The following ADD3 variants were observed in gnomAD, a reference collection of about 807,000 sequenced individuals.
ADD3 encodes the protein gamma-adducin.
In ADD3, 25 loss-of-function variants were observed where a neutral mutation model predicts 80.2. The ratio of observed to expected loss-of-function variants is 0.31; its 90% CI spans 0.23 to 0.44. ADD3 has a LOEUF of 0.44. ADD3 is among the 20% of genes least tolerant of loss of function. The probability of loss-of-function intolerance (pLI) is 1.00; values close to 1 mark genes in which losing one functional copy is unlikely to be tolerated. For synonymous variants in ADD3, 284 were observed against 289.6 expected, an observed-to-expected ratio of 0.98 and a Z score of 0.20; for missense variants, 829 against 847.5, an observed-to-expected ratio of 0.98 and a Z score of 0.27.
At chr10:110,029,552 G>T (rs1854739494) in intron 1 of ADD3, among the ~76,000 whole-genome samples, 1 of 152,174 alleles carries the variant, frequency 6.6e-6, no homozygotes, top group African/African-American at 2.4e-5. Context: ...ACTGAAAAGT[G>T]GGAAAGCATG....
intron 2 of ADD3, among the ~76,000 whole-genome samples, chr10:110,104,155 TACAG>T (rs1255320257): frequency 6.6e-6 from 1 of 152,178 alleles, no homozygotes; most frequent in Non-Finnish European, 1.5e-5. Flanking sequence ...AGATAACTGC[TACAG>T]ACATCCCTCT....
chr10:110,080,565 A>G (rs1023629187), intron 1 of ADD3, among the ~76,000 whole-genome samples: 1 of 152,270 alleles, frequency 6.6e-6, no homozygotes, highest in Non-Finnish European at 1.5e-5. Flanking sequence ...TTTCAAAAGT[A>G]TAAAACCCAT....
At position 110,081,268 on chromosome 10, in the gene ADD3, A is replaced by G. The variant is rs978603030; in HGVS notation, c.-29-19357A>G. Reference sequence around the variant, plus strand: ...TTTCATACGCATTTTTTGACATACAATTCCACTTAGCAAAATGTATCGAAG... The same window carrying G: ...TTTCATACGCATTTTTTGACATACAGTTCCACTTAGCAAAATGTATCGAAG... On this transcript the variant is annotated intron_variant, in intron 1 of 14. Coordinates refer to ENST00000356080, the MANE Select transcript of ADD3 (RefSeq NM_016824.5). 2.6e-5 allele frequency among the ~76,000 whole-genome samples: 4 copies of G among 152,154 alleles called. No individual in the cohort carries two copies. The South Asian group carries it at 6.2e-4, about 24-fold the overall frequency.
Position 110,100,739 on chromosome 10 carries a change from A to G in ADD3, c.86A>G (p.Asn29Ser), listed in dbSNP as rs150532955. 6.0e-5 allele frequency: 97 copies of G among 1,613,938 alleles called. No individual in the cohort carries two copies. The highest frequency in any genetic ancestry group is 7.2e-5 in the Non-Finnish European group (85 of 1,179,974). Residue 29 changes from asparagine (N) to serine (S), a missense_variant, in exon 2 of 15, where the codon AAT becomes AGT. Asn to Ser is a conservative substitution (Grantham distance 46). Transcript: ENST00000356080. ...AAAGAGAGATATTTTGACCGCATCA[A>G]TGAAAATGACCCAGAATACATTAGG... Reference protein sequence around the residue: ...PHKERYFDRINENDPEYIRER... With the variant: ...PHKERYFDRISENDPEYIRER...
At chr10:110,030,955 C>A (rs1309025335) in intron 1 of ADD3, among the ~76,000 whole-genome samples, 2 of 151,524 alleles carry the variant, frequency 1.3e-5, no homozygotes, top group Non-Finnish European at 2.9e-5. Flanking sequence ...TGACTCCTGA[C>A]CAGCTTCTTG....
intron 3 of ADD3, 102 bp downstream of exon 3, chr10:110,113,017 T>G: frequency 8.1e-7 from 1 of 1,239,370 alleles, no homozygotes; most frequent in Non-Finnish European, 1.1e-6. Flanking sequence ...GTCCTTAAGT[T>G]TATAACATCT....
chr10:110,068,982 T>C (rs2133612746), intron 1 of ADD3, among the ~76,000 whole-genome samples: 1 of 151,976 alleles, frequency 6.6e-6, no homozygotes, highest in East Asian at 1.9e-4. Context: ...GAGGCTGAGC[T>C]GGGAGGATTA....
chr10:110,081,396 C>G (rs763798485), intron 1 of ADD3, among the ~76,000 whole-genome samples: 2 of 152,068 alleles, frequency 1.3e-5, no homozygotes, highest in African/African-American at 4.8e-5. Flanking sequence ...CTGTTCCTTG[C>G]GTTGTTGGAG....
intron 1 of ADD3, among the ~76,000 whole-genome samples, chr10:110,077,817 A>G (rs374029158): frequency 6.6e-6 from 1 of 151,568 alleles, no homozygotes; most frequent in East Asian, 1.9e-4. Context: ...CCCCTCACAC[A>G]CTGAGTTTCT....
intron 1 of ADD3, among the ~76,000 whole-genome samples, chr10:110,090,588 A>G (rs946429326): frequency 3.3e-5 from 5 of 152,170 alleles, no homozygotes; most frequent in South Asian, 2.1e-4. Context: ...TTATGACTAC[A>G]TCTAACTGCT....
At chr10:110,099,650 A>C (rs1032935631) in intron 1 of ADD3, among the ~76,000 whole-genome samples, 5 of 152,158 alleles carry the variant, frequency 3.3e-5, no homozygotes, top group African/African-American at 1.2e-4. Context: ...ACCATTCTGG[A>C]GTGTTTCATC....
intron 1 of ADD3, among the ~76,000 whole-genome samples, chr10:110,049,539 G>A (rs1030778367): frequency 6.6e-6 from 1 of 152,230 alleles, no homozygotes; most frequent in Non-Finnish European, 1.5e-5. Context: ...CCTTGCATCA[G>A]CGTGACCTGG....
chr10:110,118,357 A>C (rs890157731), intron 5 of ADD3, among the ~76,000 whole-genome samples: 3 of 152,196 alleles, frequency 2.0e-5, no homozygotes, highest in African/African-American at 7.2e-5. Context: ...CACCTGTTTT[A>C]TAAATAAAGT....
intron 1 of ADD3, among the ~76,000 whole-genome samples, chr10:109,999,302 A>G (rs1204644796): frequency 6.6e-6 from 1 of 152,196 alleles, no homozygotes; most frequent in East Asian, 1.9e-4. Context: ...TGCATTCATA[A>G]TGAGCTTGAC....
Position 110,091,895 on chromosome 10 carries a change from G to A in ADD3, c.-29-8730G>A, listed in dbSNP as rs1469386312. Among the ~76,000 whole-genome samples, 6 of 151,978 alleles carry A rather than the reference G, an allele frequency of 3.9e-5. No homozygotes were observed. In the East Asian group the frequency reaches 7.7e-4, roughly 20 times the overall value. On this transcript the variant is annotated intron_variant, in intron 1 of 14. Coordinates refer to ENST00000356080, the MANE Select transcript of ADD3 (RefSeq NM_016824.5). ...AGTTTATGAGGAACTTAACCCAACA[G>A]GTAAACAACCCCTTAAGAAAATAGT...
chr10:110,126,663 G>T (rs1852194593), intron 12 of ADD3, among the ~76,000 whole-genome samples, 160 bp downstream of exon 12: 1 of 152,128 alleles, frequency 6.6e-6, no homozygotes, highest in South Asian at 2.1e-4. Flanking sequence ...CAGTTTCCAG[G>T]TGCAGCAACT....
At position 110,130,366 on chromosome 10, in the gene ADD3, A is replaced by G. The variant is rs370667425; in HGVS notation, c.1612A>G (p.Met538Val). The change falls in exon 13 of 15, where the codon ATG becomes GTG. Residue 538 changes from methionine (M) to valine (V), a missense_variant. Met to Val is a conservative substitution (Grantham distance 21). Coordinates refer to ENST00000356080, the MANE Select transcript of ADD3 (RefSeq NM_016824.5). Reference protein sequence around the residue: ...GIVVDKPPSTMQFEDDDHGPP... With the variant: ...GIVVDKPPSTVQFEDDDHGPP... Reference sequence around the variant, plus strand: ...ATTTTTATTTTTTCTTTGTAAGACTATGCAATTTGAAGATGATGATCATGG... The same window carrying G: ...ATTTTTATTTTTTCTTTGTAAGACTGTGCAATTTGAAGATGATGATCATGG... The G allele has an allele frequency of 1.4e-5, 22 of 1,613,640 alleles. No individual in the cohort carries two copies. Among genetic ancestry groups the G allele is most frequent in the South Asian group, 7.7e-5 (7 of 91,034 alleles).
rs1852881261 is a variant in ADD3, at chr10:110,015,613, A to G, written c.-30+7314A>G. Among the ~76,000 whole-genome samples the G allele has an allele frequency of 1.3e-5, 2 of 151,940 alleles. 1 individual carries two copies. The highest frequency in any genetic ancestry group is 2.9e-5 in the Non-Finnish European group (2 of 67,984). ...ATGGTCTCGATCTCCTGACCTCGTG[A>G]TCCGTCCGCCTCGGCCTCCCAAAGT... is the stretch of plus-strand genomic sequence containing the variant. On this transcript the variant is annotated intron_variant, in intron 1 of 14. Transcript: ENST00000356080.
chr10:110,119,579 T>C lies in ADD3; in HGVS notation c.960+15T>C. On this transcript the variant is annotated intron_variant, in intron 8 of 14. Transcript: ENST00000356080. ...GTGAGATTCAGGTAGGAAACATTAT[T>C]CCCCTTTTTTAATTGCTTTGTTATT... 1 of 1,595,358 alleles carries C rather than the reference T, an allele frequency of 6.3e-7. No individual in the cohort carries two copies. Among genetic ancestry groups the C allele is most frequent in the Non-Finnish European group, 8.6e-7 (1 of 1,165,458 alleles).
Sources: gnomAD v4.1 joint callset for allele counts (sites outside exome capture counted in the v4.1 genomes callset) on GRCh38, gnomAD v4.1.1 for gene constraint, MANE v1.5 for transcripts, NCBI Gene and HGNC (gene_info 2026-07-23, HGNC 2026-07-21) for gene names.